The following LRRTM4 variants were observed in gnomAD, a reference collection of about 807,000 sequenced individuals.
LRRTM4 encodes leucine-rich repeat transmembrane neuronal protein 4.
A neutral mutation model predicts 47.6 loss-of-function variants in LRRTM4; 25 were observed. That is an observed-to-expected ratio of 0.53 (90% CI 0.38 to 0.73). The LOEUF (loss-of-function observed/expected upper bound fraction) is 0.73, where lower values mean the gene tolerates loss of function less well. Among genes scored for constraint, LRRTM4 ranks in the 30% least tolerant of loss-of-function variants. LRRTM4 has a pLI of 0.00. For synonymous variants in LRRTM4, 311 were observed against 269.5 expected (o/e 1.15, Z -1.51); for missense variants, 638 against 713.4 (o/e 0.89, Z 1.20).
intron 3 of LRRTM4, among the ~76,000 whole-genome samples, chr2:77,196,436 C>T (rs1333025297): frequency 6.6e-6 from 1 of 152,132 alleles, no homozygotes; most frequent in Non-Finnish European, 1.5e-5. Flanking sequence ...GAAAAAATTA[C>T]TATTTAATAA....
chr2:77,099,361 A>T (rs1670892074), intron 3 of LRRTM4, among the ~76,000 whole-genome samples: 1 of 152,012 alleles, frequency 6.6e-6, no homozygotes, highest in South Asian at 2.1e-4. Flanking sequence ...CAAAAGTTGC[A>T]ATACAATGAA....
At chr2:77,270,064 G>T (rs894868624) in intron 3 of LRRTM4, among the ~76,000 whole-genome samples, 2 of 152,224 alleles carry the variant, frequency 1.3e-5, no homozygotes, top group Non-Finnish European at 2.9e-5. Context: ...GATGATTTAA[G>T]ATCTGAGCTG....
chr2:77,288,465 A>C (rs2104120055), intron 3 of LRRTM4, among the ~76,000 whole-genome samples: 1 of 152,060 alleles, frequency 6.6e-6, no homozygotes, highest in East Asian at 1.9e-4. Flanking sequence ...ATATAAAAGG[A>C]ACAAAACTGA....
chr2:76,768,814 A>T (rs1424193943), intron 3 of LRRTM4, among the ~76,000 whole-genome samples: 1 of 152,186 alleles, frequency 6.6e-6, no homozygotes, highest in Non-Finnish European at 1.5e-5. Flanking sequence ...TTAGGATCTG[A>T]TTCCTCCTGC....
At chr2:77,025,122 C>CA (rs1678410491) in intron 3 of LRRTM4, among the ~76,000 whole-genome samples, 1 of 152,070 alleles carries the variant, frequency 6.6e-6, no homozygotes. Context: ...AGTTAAGAAT[C>CA]ATAACATAAT....
chr2:77,430,052 GAGTAAGGCTGTGTCTCAAA>G (rs1431883849), intron 3 of LRRTM4, among the ~76,000 whole-genome samples: 3 of 151,796 alleles, frequency 2.0e-5, no homozygotes, highest in African/African-American at 4.8e-5. Flanking sequence ...CTGGGCAGCA[GAGTAAGGCTGTGTCTCAAA>G]AAAAAAAAAT....
chr2:77,203,595 G>A (rs895149396), intron 3 of LRRTM4, among the ~76,000 whole-genome samples: 2 of 152,134 alleles, frequency 1.3e-5, no homozygotes, highest in African/African-American at 4.8e-5. Flanking sequence ...AGCCATAAGT[G>A]TGTGTTTCTG....
At chr2:77,351,007 T>C (rs142360924) in intron 3 of LRRTM4, among the ~76,000 whole-genome samples, 1 of 152,284 alleles carries the variant, frequency 6.6e-6, no homozygotes, top group African/African-American at 2.4e-5. Flanking sequence ...TTAAATATTA[T>C]TTTGTCACCT....
intron 3 of LRRTM4, among the ~76,000 whole-genome samples, chr2:76,850,316 T>C (rs1236244560): frequency 6.6e-6 from 1 of 152,182 alleles, no homozygotes; most frequent in East Asian, 1.9e-4. Flanking sequence ...AGATGCATAT[T>C]CTGGAAGCCC....
In LRRTM4 at chr2:77,082,515, C is replaced by A. The variant is rs193135217; in HGVS notation, c.1552-333599G>T. Among the ~76,000 whole-genome samples, 8 of 152,114 alleles carry A rather than the reference C, an allele frequency of 5.3e-5. No individual in the cohort carries two copies. In the East Asian group the frequency reaches 1.5e-3, roughly 29 times the overall value. On this transcript the variant is annotated intron_variant, in intron 3 of 3. Coordinates refer to ENST00000409884, the MANE Select transcript of LRRTM4 (RefSeq NM_001134745.3). ...GACAAATTTTCAACATCACTTAAAGCCTTTACCTATAGAATTTATTGTAAA... is the reference window on the plus strand; with the variant it reads ...GACAAATTTTCAACATCACTTAAAGACTTTACCTATAGAATTTATTGTAAA...
intron 3 of LRRTM4, among the ~76,000 whole-genome samples, chr2:77,192,531 A>G (rs1426524143): frequency 6.6e-6 from 1 of 152,130 alleles, no homozygotes; most frequent in Non-Finnish European, 1.5e-5. Context: ...GAGAAAAATA[A>G]TTTTTCTAAA....
intron 3 of LRRTM4, among the ~76,000 whole-genome samples, chr2:76,764,857 GC>G (rs1036706723): frequency 6.6e-6 from 1 of 152,182 alleles, no homozygotes; most frequent in Non-Finnish European, 1.5e-5. Context: ...CATCTGGGCT[GC>G]CCCTCCCACC....
intron 3 of LRRTM4, among the ~76,000 whole-genome samples, chr2:76,941,389 T>A (rs971935485): frequency 1.3e-5 from 2 of 152,130 alleles, no homozygotes; most frequent in African/African-American, 4.8e-5. Context: ...TAGGTATACA[T>A]GTGCCATGGT....
chr2:76,806,633 T>A (rs1038252143), intron 3 of LRRTM4, among the ~76,000 whole-genome samples: 2 of 151,934 alleles, frequency 1.3e-5, no homozygotes, highest in South Asian at 2.1e-4. Flanking sequence ...GAATAACAGT[T>A]GAACATTTTT....
intron 3 of LRRTM4, among the ~76,000 whole-genome samples, chr2:76,880,528 C>CA (rs200500592): frequency 6.6e-5 from 10 of 150,500 alleles, no homozygotes; most frequent in East Asian, 3.9e-4. Context: ...AGGAAGCAAA[C>CA]AAAAAAAAAT....
chr2:76,853,517 T>A (rs1482908936), intron 3 of LRRTM4, among the ~76,000 whole-genome samples: 4 of 152,090 alleles, frequency 2.6e-5, no homozygotes, highest in South Asian at 2.1e-4. Flanking sequence ...TATCTTTGGA[T>A]GAGAACACTG....
At chr2:77,290,676 A>G (rs67166938) in intron 3 of LRRTM4, among the ~76,000 whole-genome samples, 25,113 of 151,962 alleles carry the variant, frequency 0.17, 2,326 homozygotes, top group East Asian at 0.43. Context: ...ATATACTATT[A>G]TTCAGTATCT....
chr2:77,248,502 A>T (rs1178317741), intron 3 of LRRTM4, among the ~76,000 whole-genome samples: 1 of 152,152 alleles, frequency 6.6e-6, no homozygotes, highest in Non-Finnish European at 1.5e-5. Context: ...TGTAATGCCA[A>T]TCAAAATCCC....
At chr2:76,955,085 C>G (rs1388363732) in intron 3 of LRRTM4, among the ~76,000 whole-genome samples, 2 of 151,694 alleles carry the variant, frequency 1.3e-5, no homozygotes, top group Non-Finnish European at 2.9e-5. Flanking sequence ...CTAAAGGGAA[C>G]TCTTCATGTT....
Sources: allele counts gnomAD v4.1 joint callset (sites outside exome capture counted in the v4.1 genomes callset), GRCh38; gene constraint gnomAD v4.1.1; transcripts MANE v1.5; gene names NCBI Gene and HGNC (gene_info 2026-07-23, HGNC 2026-07-21).